Variants in DESI2 observed in about 807,000 individuals in gnomAD.
The protein encoded by DESI2 is deubiquitinase DESI2.
DESI2 carries 10 observed loss-of-function variants against 24.1 expected under a neutral mutation model. That is an observed-to-expected ratio of 0.41 (90% CI 0.26 to 0.70). The LOEUF (loss-of-function observed/expected upper bound fraction) is 0.70, where lower values mean the gene tolerates loss of function less well. Ranked by LOEUF, DESI2 falls within the 30% of genes least tolerant of loss-of-function variation. DESI2 has a pLI of 0.29. For missense variants in DESI2, 122 were observed against 234.9 expected, an observed-to-expected ratio of 0.52 and a Z score of 3.14; for synonymous variants, 71 against 87.7, an observed-to-expected ratio of 0.81 and a Z score of 1.06.
At chr1:244,685,337 C>T (rs1461658279) in intron 1 of DESI2, among the ~76,000 whole-genome samples, 2 of 152,060 alleles carry the variant, frequency 1.3e-5, no homozygotes, top group African/African-American at 4.8e-5. Context: ...TCAATTTTGT[C>T]AACATGCTTT....
intron 4 of DESI2, among the ~76,000 whole-genome samples, chr1:244,692,986 T>A (rs190443022): frequency 2.6e-5 from 4 of 152,322 alleles, no homozygotes; most frequent in Admixed American, 2.6e-4. Context: ...AGTGACCTAG[T>A]CAGTCTTCAG....
At chr1:244,663,535 G>A (rs986472049) in intron 1 of DESI2, among the ~76,000 whole-genome samples, 93 of 376 alleles carry the variant, frequency 0.25, no homozygotes, top group Middle Eastern at 0.5. Context: ...AAAGTTACAC[G>A]GGAACAAAAT....
chr1:244,665,359 T>G (rs1246033241), intron 1 of DESI2, among the ~76,000 whole-genome samples: 2 of 152,194 alleles, frequency 1.3e-5, no homozygotes, highest in South Asian at 2.1e-4. Context: ...GCTGTATTTC[T>G]TTTTCCTCAT....
At chr1:244,694,605 G>A (rs559957856) in intron 4 of DESI2, 4 of 849,278 alleles carry the variant, frequency 4.7e-6, no homozygotes, top group African/African-American at 3.3e-5. Context: ...GCGCTTGGCG[G>A]GGTAGCCACA....
At chr1:244,665,871 C>G (rs1676025985) in intron 1 of DESI2, among the ~76,000 whole-genome samples, 1 of 152,124 alleles carries the variant, frequency 6.6e-6, no homozygotes, top group African/African-American at 2.4e-5. Context: ...CTTTGCTCCC[C>G]TCTTCATCTG....
At chr1:244,680,329 C>T (rs1676564387) in intron 1 of DESI2, among the ~76,000 whole-genome samples, 1 of 151,966 alleles carries the variant, frequency 6.6e-6, no homozygotes, top group African/African-American at 2.4e-5. Flanking sequence ...GTCCCAGCTA[C>T]TCAGGAAACT....
chr1:244,679,636 C>T (rs577978263), intron 1 of DESI2, among the ~76,000 whole-genome samples: 26 of 152,212 alleles, frequency 1.7e-4, no homozygotes, highest in African/African-American at 6.0e-4. Flanking sequence ...TTTGGGAGGC[C>T]AAGGAGGGTG....
rs1442108865 is a variant in DESI2, at chr1:244,689,375, C to CT, written c.209+35dup. On this transcript the variant is annotated intron_variant, in intron 3 of 4. Coordinates refer to ENST00000302550, the MANE Select transcript of DESI2 (RefSeq NM_016076.5). This position sits in a 1 kb window ranked among gnomAD's most constrained non-coding sequence, Gnocchi z 4.0. ...GGGAGGATAATTTTTATTACACTGT[C>CT]TTAGGTGCCATAGCTTGTTTTCAGG... 1.0e-6 allele frequency: 1 copy of CT among 1,005,000 alleles called. No homozygotes were observed. Among genetic ancestry groups the CT allele is most frequent in the Non-Finnish European group, 1.6e-6 (1 of 633,992 alleles). The allele number at this position is 1,005,000 out of a possible 1,614,324, so 62.3% of individuals were successfully genotyped here.
In DESI2 at chr1:244,694,517, A is replaced by G. The variant is rs1400141970; in HGVS notation, c.351+2497A>G. 1.3e-5 allele frequency: 10 copies of G among 772,874 alleles called. No homozygotes were observed. In the Middle Eastern group the frequency reaches 1.1e-3, roughly 85 times the overall value. 47.9% of individuals were successfully genotyped at this position (772,874 alleles called of 1,614,324 possible). On this transcript the variant is annotated intron_variant, in intron 4 of 4. Transcript: ENST00000302550. ...ATCTGTGCCTGAATCTGCGGTCTAC[A>G]ATTTTTAGGTGCCTCATTCGACCAG...
At chr1:244,670,445 T>G (rs954378686) in intron 1 of DESI2, among the ~76,000 whole-genome samples, 6 of 152,216 alleles carry the variant, frequency 3.9e-5, no homozygotes, top group African/African-American at 1.4e-4. Context: ...TTCCCCAATA[T>G]GTAGAACAAA....
intron 4 of DESI2, among the ~76,000 whole-genome samples, chr1:244,696,019 CT>C (rs2148813615): frequency 6.6e-6 from 1 of 152,304 alleles, no homozygotes; most frequent in African/African-American, 2.4e-5. Context: ...ATCCTCCCAC[CT>C]CAGCCTCCCA....
At chr1:244,698,968 C>A (rs930762348) in intron 4 of DESI2, among the ~76,000 whole-genome samples, 1 of 152,184 alleles carries the variant, frequency 6.6e-6, no homozygotes, top group African/African-American at 2.4e-5. Context: ...CCTGTGCCTA[C>A]CCATCTTACT....
At chr1:244,658,517 C>G (rs752890680) in intron 1 of DESI2, among the ~76,000 whole-genome samples, 5 of 152,204 alleles carry the variant, frequency 3.3e-5, no homozygotes, top group African/African-American at 9.6e-5. Context: ...ACTGCGTATA[C>G]TATCCCGTGC....
chr1:244,706,065 AC>A lies in DESI2; in HGVS notation c.*277del. On this transcript the variant is annotated 3_prime_UTR_variant, in exon 5 of 5. Coordinates refer to ENST00000302550, the MANE Select transcript of DESI2 (RefSeq NM_016076.5). ...ATACAAGCTCTGTTAAGTTATGTTTACAGTATCTTGTATCGCTGTTTACAAA... is the reference window on the plus strand; with the variant it reads ...ATACAAGCTCTGTTAAGTTATGTTTAAGTATCTTGTATCGCTGTTTACAAA... 2.5e-6 allele frequency: 1 copy of A among 397,984 alleles called. No homozygotes were observed. The highest frequency in any genetic ancestry group is 2.9e-5 in the South Asian group (1 of 34,372). The allele number at this position is 397,984 out of a possible 1,614,324, so 24.7% of individuals were successfully genotyped here.
chr1:244,666,023 T>G (rs1052703510), intron 1 of DESI2, among the ~76,000 whole-genome samples: 2 of 152,184 alleles, frequency 1.3e-5, no homozygotes, highest in Admixed American at 6.5e-5. Context: ...TTTACAATTG[T>G]GACCACAAAC....
At chr1:244,654,729 T>C (rs773857670) in intron 1 of DESI2, among the ~76,000 whole-genome samples, 3 of 152,248 alleles carry the variant, frequency 2.0e-5, no homozygotes, top group Non-Finnish European at 4.4e-5. Flanking sequence ...ATTTAAACTT[T>C]TTGTGTTCAG....
intron 1 of DESI2, among the ~76,000 whole-genome samples, chr1:244,674,002 T>A (rs1383996762): frequency 1.4e-5 from 2 of 145,446 alleles, no homozygotes; most frequent in Non-Finnish European, 3.0e-5. Flanking sequence ...TTTTTTTTTT[T>A]TTTTTTTTTT....
At position 244,706,713 on chromosome 1, in the gene DESI2, A is replaced by G. The variant is rs1677722060; in HGVS notation, c.*924A>G. ...TCAGCTGCTTTTAACTATTCAGGCT[A>G]CCTTTTATACTAAACCTTGAAAACT... On this transcript the variant is annotated 3_prime_UTR_variant, in exon 5 of 5. Coordinates refer to ENST00000302550, the MANE Select transcript of DESI2 (RefSeq NM_016076.5). The G allele has an allele frequency of 6.6e-6, 1 of 152,646 alleles. No homozygotes were observed. Among genetic ancestry groups the G allele is most frequent in the African/African-American group, 2.4e-5 (1 of 41,544 alleles). The allele number at this position is 152,646 out of a possible 1,614,324, so 9.5% of individuals were successfully genotyped here.
chr1:244,658,864 ACTTAAAATACTATG>A (rs1675739455), intron 1 of DESI2, among the ~76,000 whole-genome samples: 1 of 152,058 alleles, frequency 6.6e-6, no homozygotes, highest in South Asian at 2.1e-4. Flanking sequence ...CTTTGACAAA[ACTTAAAATACTATG>A]GGACTAGACT....
Sources: gnomAD v4.1 joint callset for allele counts (sites outside exome capture counted in the v4.1 genomes callset) on GRCh38, gnomAD v4.1.1 for gene constraint, Gnocchi (gnomAD v3.1) non-coding constraint, MANE v1.5 for transcripts, NCBI Gene and HGNC (gene_info 2026-07-23, HGNC 2026-07-21) for gene names.